Variants in TRIM33 observed in about 807,000 individuals in gnomAD.
TRIM33 encodes E3 ubiquitin-protein ligase TRIM33.
TRIM33 carries 20 observed loss-of-function variants against 125.4 expected under a neutral mutation model. The ratio of observed to expected loss-of-function variants is 0.16; its 90% CI spans 0.11 to 0.23. The LOEUF (loss-of-function observed/expected upper bound fraction) is 0.23. TRIM33 is among the 10% of genes least tolerant of loss of function. The pLI is 1.00. For synonymous variants in TRIM33, 564 were observed against 513.9 expected (o/e 1.10, Z -1.32); for missense variants, 920 against 1,411.4 (o/e 0.65, Z 5.58).
At chr1:114,466,052 T>A (rs964513197) in intron 1 of TRIM33, among the ~76,000 whole-genome samples, 27 of 149,034 alleles carry the variant, frequency 1.8e-4, no homozygotes, top group African/African-American at 3.5e-4. Flanking sequence ...AAAAAAAAAA[T>A]AAATAAATAA....
chr1:114,436,555 T>C (rs1648318927), intron 4 of TRIM33, among the ~76,000 whole-genome samples: 1 of 151,904 alleles, frequency 6.6e-6, no homozygotes, highest in South Asian at 2.1e-4. Flanking sequence ...AACCTCCACC[T>C]CCCAGGTTCA....
At position 114,443,039 on chromosome 1, in the gene TRIM33, C is replaced by T. The variant is rs9725116; in HGVS notation, c.924-9306G>A. Among the ~76,000 whole-genome samples, 440 of 151,476 alleles carry T rather than the reference C, an allele frequency of 2.9e-3. 4 individuals carry two copies. Among genetic ancestry groups the T allele is most frequent in the African/African-American group, 0.01 (415 of 41,370 alleles). Reference sequence around the variant, plus strand: ...CTAAGAAAAGCTATTCCTTCCCTTCCTTTTCTTCTTTCCCTTCTCTCTTCC... The same window carrying T: ...CTAAGAAAAGCTATTCCTTCCCTTCTTTTTCTTCTTTCCCTTCTCTCTTCC... On this transcript the variant is annotated intron_variant, in intron 4 of 19. Transcript: ENST00000358465.
intron 4 of TRIM33, among the ~76,000 whole-genome samples, chr1:114,435,130 A>C (rs931302465): frequency 3.3e-5 from 5 of 152,226 alleles, no homozygotes; most frequent in Admixed American, 2.6e-4. Flanking sequence ...CCAGAATGTA[A>C]TAATCACATT....
intron 4 of TRIM33, among the ~76,000 whole-genome samples, chr1:114,446,568 TACA>T (rs1648991616): frequency 6.6e-6 from 1 of 151,908 alleles, no homozygotes; most frequent in African/African-American, 2.4e-5. Context: ...AATAATAAAG[TACA>T]GCTTAAAAAG....
At chr1:114,478,424 C>T (rs1263478100) in intron 1 of TRIM33, among the ~76,000 whole-genome samples, 1 of 152,052 alleles carries the variant, frequency 6.6e-6, no homozygotes, top group Non-Finnish European at 1.5e-5. Context: ...AGATCAACCA[C>T]ATTAATACAA....
chr1:114,428,172 C>T (rs933219730), intron 6 of TRIM33, among the ~76,000 whole-genome samples: 2 of 152,076 alleles, frequency 1.3e-5, no homozygotes, highest in Admixed American at 6.5e-5. Flanking sequence ...ATAGTGTCTT[C>T]CTATTAGATT....
chr1:114,486,844 T>A (rs1288887079), intron 1 of TRIM33, among the ~76,000 whole-genome samples: 1 of 152,054 alleles, frequency 6.6e-6, no homozygotes, highest in Non-Finnish European at 1.5e-5. Flanking sequence ...CCCAGCACTT[T>A]GGGAGGCCAA....
At chr1:114,430,174 G>C (rs999493118) in intron 6 of TRIM33, among the ~76,000 whole-genome samples, 2 of 151,960 alleles carry the variant, frequency 1.3e-5, no homozygotes, top group Non-Finnish European at 2.9e-5. Flanking sequence ...ATCTTAAGGG[G>C]GTGGGGAAGA....
At chr1:114,440,349 CA>C (rs1171822984) in intron 4 of TRIM33, among the ~76,000 whole-genome samples, 551 of 134,334 alleles carry the variant, frequency 4.1e-3, no homozygotes, top group African/African-American at 9.5e-3. Flanking sequence ...AATTTTAGAC[CA>C]AAAAAAAAAA....
At chr1:114,458,060 T>C (rs1649728736) in intron 4 of TRIM33, among the ~76,000 whole-genome samples, 1 of 152,218 alleles carries the variant, frequency 6.6e-6, no homozygotes, top group South Asian at 2.1e-4. Context: ...CTTTGCTCAT[T>C]CCCATATGTG....
intron 1 of TRIM33, among the ~76,000 whole-genome samples, chr1:114,508,131 T>A (rs986603129): frequency 3.3e-5 from 5 of 152,096 alleles, no homozygotes; most frequent in Admixed American, 6.5e-5. Context: ...AAATTTTTTT[T>A]AATCAAAAAC....
intron 4 of TRIM33, among the ~76,000 whole-genome samples, chr1:114,439,349 G>A (rs1369056025): frequency 4.0e-5 from 6 of 151,688 alleles, no homozygotes; most frequent in Admixed American, 2.0e-4. Flanking sequence ...GTGCATGCCT[G>A]TAATCCCAGC....
chr1:114,464,600 A>T (rs975847740), intron 1 of TRIM33, among the ~76,000 whole-genome samples: 1 of 152,190 alleles, frequency 6.6e-6, no homozygotes, highest in Non-Finnish European at 1.5e-5. Flanking sequence ...CCTCCCAAGA[A>T]GTGCTTCCTC....
chr1:114,446,950 A>G (rs1446354002), intron 4 of TRIM33, among the ~76,000 whole-genome samples: 1 of 152,188 alleles, frequency 6.6e-6, no homozygotes, highest in Admixed American at 6.5e-5. Context: ...CTGAGGCAGA[A>G]GGATTGCTTA....
chr1:114,472,089 A>C (rs1650687949), intron 1 of TRIM33, among the ~76,000 whole-genome samples: 1 of 152,196 alleles, frequency 6.6e-6, no homozygotes, highest in South Asian at 2.1e-4. Flanking sequence ...TGCCTTCCTA[A>C]AATGTGAACA....
chr1:114,396,554 T>C lies in TRIM33; in HGVS notation c.*1094A>G, dbSNP rs550701478. 7.1e-5 allele frequency: 14 copies of C among 197,658 alleles called. No individual in the cohort carries two copies. The highest frequency in any genetic ancestry group is 1.3e-4 in the Non-Finnish European group (12 of 94,998). 12.2% of individuals were successfully genotyped at this position (197,658 alleles called of 1,614,324 possible). A position where few individuals can be genotyped will look rare whatever the true frequency, so the allele number is the denominator to read the frequency against. ...AAAATATGAATGTGAACATTAGAAA[T>C]AGACAGCATATATTACAAATCCATT... On this transcript the variant is annotated 3_prime_UTR_variant, in exon 20 of 20. Transcript: ENST00000358465.
At chr1:114,432,703 G>A (rs891373240) in intron 5 of TRIM33, among the ~76,000 whole-genome samples, 7 of 152,076 alleles carry the variant, frequency 4.6e-5, no homozygotes, top group Non-Finnish European at 7.4e-5. Context: ...GGAGAATGGC[G>A]TGAACCCAGA....
intron 12 of TRIM33, 95 bp from the exon 13 acceptor site, chr1:114,408,835 C>A: frequency 1.2e-6 from 1 of 861,158 alleles, no homozygotes; most frequent in Admixed American, 2.8e-5. Context: ...TATAACCCAG[C>A]TAAAAAATTA....
chr1:114,427,697 T>C (rs775147513), intron 7 of TRIM33, 51 bp downstream of exon 7: 21 of 1,565,940 alleles, frequency 1.3e-5, no homozygotes, highest in Middle Eastern at 1.7e-4. Context: ...TCACTGAATA[T>C]ATATCTTAAT....
Sources: gnomAD v4.1 joint callset for allele counts (sites outside exome capture counted in the v4.1 genomes callset) on GRCh38, gnomAD v4.1.1 for gene constraint, MANE v1.5 for transcripts, NCBI Gene and HGNC (gene_info 2026-07-23, HGNC 2026-07-21) for gene names.